SLC14A2: variants seen among roughly 807,000 people sequenced by gnomAD.
The protein encoded by SLC14A2 is urea transporter 2.
SLC14A2 carries 91 observed loss-of-function variants against 104.6 expected under a neutral mutation model. The observed-to-expected ratio is 0.87, with a 90% confidence interval of 0.73 to 1.04. The LOEUF (loss-of-function observed/expected upper bound fraction) is 1.04. Ranked by LOEUF, SLC14A2 falls within the 50% of genes least tolerant of loss-of-function variation. The probability of loss-of-function intolerance (pLI) is 0.00; values close to 1 mark genes in which losing one functional copy is unlikely to be tolerated. For synonymous variants in SLC14A2, 476 were observed against 466.4 expected (o/e 1.02, Z -0.27); for missense variants, 1,189 against 1,156.0 (o/e 1.03, Z -0.41).
At chr18:45,534,827 A>G (rs2705366) in intron 2 of SLC14A2, among the ~76,000 whole-genome samples, 34,028 of 152,176 alleles carry the variant, frequency 0.22, 5,934 homozygotes, top group African/African-American at 0.48. Flanking sequence ...TAGTTCATGG[A>G]TCAGTTAATG....
At chr18:45,639,955 T>C in intron 7 of SLC14A2, 62 bp downstream of exon 7, 1 of 1,447,220 alleles carries the variant, frequency 6.9e-7, no homozygotes. Context: ...ACTTTTCCCC[T>C]ACATACAGCA....
chr18:45,428,692 A>C (rs978352702), intron 1 of SLC14A2, among the ~76,000 whole-genome samples: 4 of 152,262 alleles, frequency 2.6e-5, no homozygotes, highest in Non-Finnish European at 4.4e-5. Context: ...AGAGGTGAGC[A>C]GAAGGAAATA....
chr18:45,340,066 G>A (rs920977496), intron 1 of SLC14A2, among the ~76,000 whole-genome samples: 7 of 152,170 alleles, frequency 4.6e-5, no homozygotes, highest in Non-Finnish European at 1.0e-4. Flanking sequence ...GGCTTGGTAG[G>A]TCACATGTGC....
chr18:45,462,414 G>A (rs1252707056), intron 1 of SLC14A2, among the ~76,000 whole-genome samples: 1 of 152,164 alleles, frequency 6.6e-6, no homozygotes, highest in Non-Finnish European at 1.5e-5. Flanking sequence ...TGTCTAGCAG[G>A]GCCCATAAAT....
intron 1 of SLC14A2, among the ~76,000 whole-genome samples, chr18:45,293,087 C>T (rs997816288): frequency 6.6e-6 from 1 of 152,114 alleles, no homozygotes; most frequent in South Asian, 2.1e-4. Context: ...CACCCTGAAT[C>T]AAGCTCTAAA....
chr18:45,623,277 G>T (rs1230830408), intron 1 of SLC14A2, among the ~76,000 whole-genome samples: 1 of 152,182 alleles, frequency 6.6e-6, no homozygotes, highest in African/African-American at 2.4e-5. Flanking sequence ...AAGGGGAGAT[G>T]AAAAGGTTCA....
At chr18:45,517,150 C>T (rs1442825050) in intron 2 of SLC14A2, among the ~76,000 whole-genome samples, 1 of 152,198 alleles carries the variant, frequency 6.6e-6, no homozygotes, top group Non-Finnish European at 1.5e-5. Context: ...CAGGGCCCAC[C>T]TCCATCTTGT....
intron 1 of SLC14A2, among the ~76,000 whole-genome samples, chr18:45,380,864 T>C (rs747458502): frequency 5.9e-5 from 9 of 152,254 alleles, no homozygotes; most frequent in Non-Finnish European, 1.0e-4. Flanking sequence ...GAATCTCAGC[T>C]ACCTCATCTA....
At chr18:45,259,487 T>A (rs1199792579) in intron 1 of SLC14A2, among the ~76,000 whole-genome samples, 2 of 152,182 alleles carry the variant, frequency 1.3e-5, no homozygotes, top group Non-Finnish European at 2.9e-5. Context: ...AGCTACAGAC[T>A]CAGGATTCCA....
intron 1 of SLC14A2, among the ~76,000 whole-genome samples, chr18:45,307,855 A>T (rs1457397558): frequency 6.6e-6 from 1 of 152,206 alleles, no homozygotes; most frequent in Non-Finnish European, 1.5e-5. Flanking sequence ...CAGCTGAGTA[A>T]TTTATAAAGA....
chr18:45,316,111 C>T (rs1018803502), intron 1 of SLC14A2, among the ~76,000 whole-genome samples: 5 of 152,174 alleles, frequency 3.3e-5, no homozygotes, highest in Admixed American at 2.0e-4. Flanking sequence ...GCCTCCCTCC[C>T]GGCTTGGGGA....
chr18:45,537,804 A>G (rs2043819062), intron 2 of SLC14A2, among the ~76,000 whole-genome samples: 1 of 152,200 alleles, frequency 6.6e-6, no homozygotes, highest in South Asian at 2.1e-4. Flanking sequence ...GGGGAAATCT[A>G]TGGAGCAGCA....
chr18:45,512,061 T>C (rs2043373191), intron 2 of SLC14A2, among the ~76,000 whole-genome samples: 1 of 152,144 alleles, frequency 6.6e-6, no homozygotes, highest in African/African-American at 2.4e-5. Context: ...GACTAAAGTT[T>C]GAGGTGCTAT....
chr18:45,623,614 A>C (rs530221895), intron 1 of SLC14A2, among the ~76,000 whole-genome samples: 31 of 152,160 alleles, frequency 2.0e-4, no homozygotes, highest in Non-Finnish European at 4.0e-4. Context: ...AATGGAACTA[A>C]TGCAAAATTA....
chr18:45,253,832 A>G (rs1432721486), intron 1 of SLC14A2, among the ~76,000 whole-genome samples: 4 of 152,190 alleles, frequency 2.6e-5, no homozygotes, highest in Non-Finnish European at 4.4e-5. Context: ...TTTTTATAGA[A>G]AATAATAGTT....
At chr18:45,278,427 A>C (rs574869740) in intron 1 of SLC14A2, among the ~76,000 whole-genome samples, 1 of 152,190 alleles carries the variant, frequency 6.6e-6, no homozygotes, top group Non-Finnish European at 1.5e-5. Context: ...GGGGGTAATA[A>C]ATTTGCCCAA....
At chr18:45,656,844 G>A (rs1348214206) in intron 10 of SLC14A2, among the ~76,000 whole-genome samples, 10 of 152,220 alleles carry the variant, frequency 6.6e-5, no homozygotes, top group Middle Eastern at 3.2e-3. Flanking sequence ...AGTGAGCTGC[G>A]TGGGAAGGAG....
intron 3 of SLC14A2, among the ~76,000 whole-genome samples, chr18:45,626,238 C>T (rs2045255702): frequency 2.0e-5 from 3 of 152,296 alleles, no homozygotes; most frequent in Non-Finnish European, 4.4e-5. Context: ...TGTTGCACAG[C>T]CATTTATTAT....
At chr18:45,459,755 C>G (rs2087009798) in intron 1 of SLC14A2, among the ~76,000 whole-genome samples, 1 of 152,216 alleles carries the variant, frequency 6.6e-6, no homozygotes, top group Non-Finnish European at 1.5e-5. Context: ...TGGCCTTTCT[C>G]ATTTAAGTTT....
Sources: gnomAD v4.1 joint callset for allele counts (sites outside exome capture counted in the v4.1 genomes callset) on GRCh38, gnomAD v4.1.1 for gene constraint, MANE v1.5 for transcripts, NCBI Gene and HGNC (gene_info 2026-07-23, HGNC 2026-07-21) for gene names.